Variants in TGM3 observed in about 807,000 individuals in gnomAD.
TGM3 encodes the protein transglutaminase 3.
Under a neutral mutation model 73.8 loss-of-function variants are expected in TGM3, and 52 were observed. The ratio of observed to expected loss-of-function variants is 0.70; its 90% CI spans 0.56 to 0.89. The LOEUF is 0.89. TGM3 is among the 40% of genes least tolerant of loss of function. The pLI, the probability that TGM3 is intolerant of heterozygous loss-of-function variation, is 0.00. For synonymous variants in TGM3, 372 were observed against 354.9 expected (o/e 1.05, Z -0.54); for missense variants, 928 against 909.9 (o/e 1.02, Z -0.26).
chr20:2,308,529 G>A (rs1435913984), intron 1 of TGM3, among the ~76,000 whole-genome samples: 6 of 152,254 alleles, frequency 3.9e-5, no homozygotes, highest in African/African-American at 1.4e-4. Context: ...AAATCAGGAG[G>A]GTGGATTTTG....
intron 1 of TGM3, among the ~76,000 whole-genome samples, chr20:2,296,495 C>A (rs1479550737): frequency 3.9e-5 from 6 of 152,130 alleles, no homozygotes; most frequent in Admixed American, 1.3e-4. Flanking sequence ...CATCTCAGAA[C>A]TACCAGGGAG....
Position 2,334,872 on chromosome 20 carries a change from A to G in TGM3, c.1643-244A>G, listed in dbSNP as rs1293680779. Among the ~76,000 whole-genome samples, 4 of 152,188 alleles carry G rather than the reference A, an allele frequency of 2.6e-5. No individual in the cohort carries two copies. Among genetic ancestry groups the G allele is most frequent in the African/African-American group, 7.2e-5 (3 of 41,454 alleles). ...AGCAGCGGTATCTTTAGCCCCTGTG[A>G]GCCCATCCTCCTGGGAATCTGCCCA... On this transcript the variant is annotated intron_variant, in intron 10 of 12. Transcript: ENST00000381458. The surrounding 1 kb of genome is among the most constrained non-coding windows in gnomAD (Gnocchi z 4.0).
At chr20:2,340,330 C>T in intron 12 of TGM3, 104 bp from the exon 13 acceptor site, 1 of 1,507,322 alleles carries the variant, frequency 6.6e-7, no homozygotes, top group Non-Finnish European at 9.0e-7. Context: ...GAAGCAGTGG[C>T]CTTGCCCAGC....
rs6047989 is a variant in TGM3, at chr20:2,298,631, G to A, written c.7+2561G>A. Among the ~76,000 whole-genome samples, 356 of 152,284 alleles carry A rather than the reference G, an allele frequency of 2.3e-3. 3 individuals carry two copies. The highest frequency in any genetic ancestry group is 6.8e-3 in the African/African-American group (282 of 41,554). The stretch of plus-strand genomic sequence containing the variant: ...CCAAAGGACCTGTACCATTCCCAGC[G>A]TCTGGGTCTACCACCAAACCGTTCT... On this transcript the variant is annotated intron_variant, in intron 1 of 12. Transcript: ENST00000381458.
intron 1 of TGM3, among the ~76,000 whole-genome samples, chr20:2,305,114 G>A (rs1191332408): frequency 6.6e-6 from 1 of 152,156 alleles, no homozygotes; most frequent in Non-Finnish European, 1.5e-5. Context: ...CATCCTTTGG[G>A]GTTTGGGTTT....
intron 5 of TGM3, among the ~76,000 whole-genome samples, chr20:2,314,717 T>C (rs185362008): frequency 6.6e-6 from 1 of 151,610 alleles, no homozygotes; most frequent in African/African-American, 2.4e-5. Flanking sequence ...CAAAAGCCTA[T>C]CTCCAAAAAA....
chr20:2,312,482 A>T (rs1381687128), intron 4 of TGM3, among the ~76,000 whole-genome samples: 1 of 149,528 alleles, frequency 6.7e-6, no homozygotes, highest in African/African-American at 2.4e-5. Flanking sequence ...ATACAGATGG[A>T]GAAATCGAGG....
At position 2,301,303 on chromosome 20, in the gene TGM3, C is replaced by T. The variant is rs932135073; in HGVS notation, c.7+5233C>T. On this transcript the variant is annotated intron_variant, in intron 1 of 12. Transcript: ENST00000381458. ...TGTCTAGGGGTGGGAAGTGGGATGA[C>T]TCACAGCCTGTCGGTGACCAGGATC... 1.1e-4 allele frequency among the ~76,000 whole-genome samples: 17 copies of T among 150,662 alleles called. 1 individual carries two copies. The highest frequency in any genetic ancestry group is 4.0e-4 in the Admixed American group (6 of 15,100).
At chr20:2,323,290 CT>C (rs2084270986) in intron 7 of TGM3, among the ~76,000 whole-genome samples, 1 of 152,212 alleles carries the variant, frequency 6.6e-6, no homozygotes, top group Admixed American at 6.5e-5. Context: ...TTAGCCTTGA[CT>C]TATGAGTGTG....
intron 4 of TGM3, among the ~76,000 whole-genome samples, chr20:2,311,625 A>G (rs947483025): frequency 6.6e-6 from 1 of 152,196 alleles, no homozygotes; most frequent in Non-Finnish European, 1.5e-5. Flanking sequence ...AAAACTTTCA[A>G]GGATGCCCTC....
chr20:2,319,383 A>G (rs2084251737), intron 7 of TGM3, among the ~76,000 whole-genome samples: 1 of 152,200 alleles, frequency 6.6e-6, no homozygotes, highest in Non-Finnish European at 1.5e-5. Flanking sequence ...CCACTAGTAG[A>G]GGCTAATTAG....
At chr20:2,335,027 A>G in intron 10 of TGM3, 89 bp from the exon 11 acceptor site, 1 of 1,515,632 alleles carries the variant, frequency 6.6e-7, no homozygotes, top group East Asian at 2.3e-5. Flanking sequence ...CCACCAGCTC[A>G]CCCTGCCTTG....
chr20:2,308,853 G>A (rs1024669468), intron 1 of TGM3, among the ~76,000 whole-genome samples: 1 of 151,172 alleles, frequency 6.6e-6, no homozygotes, highest in Non-Finnish European at 1.5e-5. Flanking sequence ...GGTGATGGGG[G>A]TGAGAGAGGT....
chr20:2,317,161 G>A lies in TGM3; in HGVS notation c.763G>A (p.Glu255Lys). The change falls in exon 6 of 13, where the codon GAG becomes AAG. Residue 255 changes from glutamate to lysine, a missense_variant. By Grantham distance (56) the Glu-to-Lys change is moderately conservative. Coordinates refer to ENST00000381458, the MANE Select transcript of TGM3 (RefSeq NM_003245.4). ...RDPRSWNGSVEILKNWKKSGF... is the reference protein window; with the variant it reads ...RDPRSWNGSVKILKNWKKSGF... ...CCCAAGGAGCTGGAACGGCAGCGTG[G>A]AGATCCTCAAAAATTGGAAAAAATC... 6.2e-7 allele frequency: 1 copy of A among 1,614,092 alleles called. No homozygotes were observed. The highest frequency in any genetic ancestry group is 8.5e-7 in the Non-Finnish European group (1 of 1,180,006).
chr20:2,299,969 A>G (rs214778), intron 1 of TGM3, among the ~76,000 whole-genome samples: 112,268 of 151,968 alleles, frequency 0.74, 43,388 homozygotes, highest in East Asian at 0.93. Context: ...GCTGGCACGC[A>G]CTTGTAGTCC....
At position 2,328,313 on chromosome 20, in the gene TGM3, G is replaced by T. The variant is rs34742355; in HGVS notation, c.1281G>T (p.Ala427=). ...TTGGCAGGTACATCAGCACCAAGGC[G>T]GTGGGCAGCAATGCTCGCATGGACG... is the stretch of plus-strand genomic sequence containing the variant. The part of the protein sequence containing the change: ...HTIGRYISTK[A]VGSNARMDVT... Residue 427 remains alanine, a synonymous_variant, in exon 9 of 13, where the codon GCG becomes GCT. Transcript: ENST00000381458. This position sits in a 1 kb window ranked among gnomAD's most constrained non-coding sequence, Gnocchi z 5.2. The T allele has an allele frequency of 1.1e-4, 181 of 1,614,162 alleles. 1 individual carries two copies. The African/African-American group carries it at 2.2e-3, about 20-fold the overall frequency.
At chr20:2,296,132 G>C in intron 1 of TGM3, 62 bp downstream of exon 1, 4 of 1,544,750 alleles carry the variant, frequency 2.6e-6, no homozygotes, top group Non-Finnish European at 3.5e-6. Context: ...CCCTGGGCCA[G>C]CCTGCCAAGC....
intron 8 of TGM3, 124 bp from the exon 9 acceptor site, chr20:2,327,996 G>A: frequency 7.3e-7 from 1 of 1,368,806 alleles, no homozygotes; most frequent in Non-Finnish European, 1.0e-6. Context: ...ACACAGTCAG[G>A]GGTGAAGGAA....
intron 1 of TGM3, among the ~76,000 whole-genome samples, chr20:2,303,726 TGAACGTTGG>T (rs1311785577): frequency 1.3e-5 from 2 of 151,432 alleles, no homozygotes; most frequent in African/African-American, 4.9e-5. Context: ...AAGGAACGAG[TGAACGTTGG>T]GATAGATATT....
Sources: gnomAD v4.1 joint callset for allele counts (sites outside exome capture counted in the v4.1 genomes callset) on GRCh38, gnomAD v4.1.1 for gene constraint, Gnocchi (gnomAD v3.1) non-coding constraint, MANE v1.5 for transcripts, NCBI Gene and HGNC (gene_info 2026-07-23, HGNC 2026-07-21) for gene names.